Variants in COL4A1 observed in about 807,000 individuals in gnomAD.
COL4A1 encodes the protein collagen type IV alpha 1 chain.
COL4A1 carries 40 observed loss-of-function variants against 216.6 expected under a neutral mutation model. That is an observed-to-expected ratio of 0.18 (90% CI 0.14 to 0.24). COL4A1 has a LOEUF of 0.24. Ranked by LOEUF, COL4A1 falls within the 10% of genes least tolerant of loss-of-function variation. The pLI is 1.00. For synonymous variants in COL4A1, 839 were observed against 810.7 expected (o/e 1.03, Z -0.59); for missense variants, 1,628 against 2,196.8 (o/e 0.74, Z 5.18).
intron 31 of COL4A1, among the ~76,000 whole-genome samples, chr13:110,178,475 C>A (rs949604480): frequency 7.2e-5 from 11 of 152,192 alleles, no homozygotes; most frequent in African/African-American, 2.7e-4. Flanking sequence ...ACCCTAAGCA[C>A]CACCACTGCC....
intron 1 of COL4A1, among the ~76,000 whole-genome samples, chr13:110,269,671 G>A (rs1221251700): frequency 2.6e-5 from 4 of 152,052 alleles, no homozygotes; most frequent in African/African-American, 4.8e-5. Context: ...GATGGAAGAC[G>A]CAACACAAAC....
At chr13:110,217,512 T>C (rs1880148907) in intron 2 of COL4A1, among the ~76,000 whole-genome samples, 1 of 152,180 alleles carries the variant, frequency 6.6e-6, no homozygotes, top group African/African-American at 2.4e-5. Context: ...GCCACAGACT[T>C]CATGTCAGGC....
At chr13:110,270,536 T>C (rs930214142) in intron 1 of COL4A1, among the ~76,000 whole-genome samples, 12 of 152,160 alleles carry the variant, frequency 7.9e-5, no homozygotes, top group Non-Finnish European at 2.9e-5. Flanking sequence ...CAACAACCAT[T>C]GTAGGGTTAA....
intron 2 of COL4A1, among the ~76,000 whole-genome samples, chr13:110,219,238 G>A (rs903909767): frequency 5.9e-5 from 9 of 152,214 alleles, no homozygotes; most frequent in African/African-American, 2.2e-4. Flanking sequence ...CTAAGAGGAA[G>A]GCGTGAGTGC....
chr13:110,295,258 C>CTTTTT (rs67516756), intron 1 of COL4A1, among the ~76,000 whole-genome samples: 4 of 135,586 alleles, frequency 3.0e-5, no homozygotes, highest in South Asian at 2.3e-4. Context: ...TTCTTTCTTT[C>CTTTTT]TTTTTTTTTT....
intron 2 of COL4A1, among the ~76,000 whole-genome samples, chr13:110,226,956 G>T (rs1271976552): frequency 6.6e-6 from 1 of 152,154 alleles, no homozygotes; most frequent in Admixed American, 6.5e-5. Flanking sequence ...GGTCTTCCCT[G>T]AGCTGCTAAT....
At chr13:110,199,346 T>C (rs1879057486) in intron 20 of COL4A1, among the ~76,000 whole-genome samples, 1 of 152,100 alleles carries the variant, frequency 6.6e-6, no homozygotes, top group African/African-American at 2.4e-5. Flanking sequence ...CAGGAAGACT[T>C]GGCAGGAATG....
At chr13:110,239,976 A>G (rs866482590) in intron 2 of COL4A1, among the ~76,000 whole-genome samples, 4 of 152,296 alleles carry the variant, frequency 2.6e-5, no homozygotes, top group Middle Eastern at 3.4e-3. Context: ...CCCCTTCTCA[A>G]TGCTGTGTGA....
intron 1 of COL4A1, among the ~76,000 whole-genome samples, chr13:110,248,398 C>T (rs993612639): frequency 5.3e-5 from 8 of 152,048 alleles, no homozygotes; most frequent in African/African-American, 9.7e-5. Flanking sequence ...CCGGCTCCTT[C>T]CCCCAAATTC....
At chr13:110,270,779 T>C (rs917440647) in intron 1 of COL4A1, among the ~76,000 whole-genome samples, 2 of 152,196 alleles carry the variant, frequency 1.3e-5, no homozygotes, top group African/African-American at 2.4e-5. Context: ...CCGGAGAATA[T>C]AGCCTTAGTT....
rs1884769545 is a variant in COL4A1, at chr13:110,307,102, G to A, written c.-75C>T. 2 of 1,233,264 alleles carry A rather than the reference G, an allele frequency of 1.6e-6. No homozygotes were observed. Among genetic ancestry groups the A allele is most frequent in the African/African-American group, 1.6e-5 (1 of 62,866 alleles). The allele number at this position is 1,233,264 out of a possible 1,614,324, so 76.4% of individuals were successfully genotyped here. A position where few individuals can be genotyped will look rare whatever the true frequency, so the allele number is the denominator to read the frequency against. On this transcript the variant is annotated 5_prime_UTR_variant, in exon 1 of 52. Coordinates refer to ENST00000375820, the MANE Select transcript of COL4A1 (RefSeq NM_001845.6). This position sits in a 1 kb window ranked among gnomAD's most constrained non-coding sequence, Gnocchi z 5.0. Reference sequence around the variant, plus strand: ...GCGGCGGACAGCTAGCTCTCGGAAGGCCGGACTTCCAGCGCTACGCACCGT... The same window carrying A: ...GCGGCGGACAGCTAGCTCTCGGAAGACCGGACTTCCAGCGCTACGCACCGT...
intron 1 of COL4A1, among the ~76,000 whole-genome samples, chr13:110,279,302 G>T (rs1013817198): frequency 6.6e-6 from 1 of 152,128 alleles, no homozygotes; most frequent in South Asian, 2.1e-4. Context: ...GTTTTCTGGA[G>T]TCCAGTTCCA....
chr13:110,284,333 C>G (rs541313664), intron 1 of COL4A1, among the ~76,000 whole-genome samples: 136 of 152,288 alleles, frequency 8.9e-4, no homozygotes, highest in Non-Finnish European at 1.2e-3. Context: ...TAACATCTGA[C>G]TAATGTGACC....
At chr13:110,203,435 C>A in intron 18 of COL4A1, 131 bp downstream of exon 18, 1 of 984,508 alleles carries the variant, frequency 1.0e-6, no homozygotes, top group South Asian at 1.3e-5. Flanking sequence ...TGCATCTCCT[C>A]TCCTTCCTCT....
intron 51 of COL4A1, 99 bp from the exon 52 acceptor site, chr13:110,150,543 C>T (rs996944006): frequency 8.1e-7 from 1 of 1,227,088 alleles, no homozygotes; most frequent in African/African-American, 1.5e-5. Context: ...GGGATCAGCC[C>T]AGCCCCTGGC....
intron 2 of COL4A1, among the ~76,000 whole-genome samples, chr13:110,221,542 CA>C (rs986854898): frequency 6.6e-6 from 1 of 151,584 alleles, no homozygotes; most frequent in East Asian, 1.9e-4. Context: ...TACTGGCAGC[CA>C]AAAAAAATCT....
intron 24 of COL4A1, among the ~76,000 whole-genome samples, chr13:110,188,111 C>T (rs190789656): frequency 1.7e-4 from 26 of 152,338 alleles, no homozygotes; most frequent in Admixed American, 2.0e-4. Context: ...CTCCAGCATC[C>T]TGAGACTTGG....
intron 1 of COL4A1, among the ~76,000 whole-genome samples, chr13:110,286,475 G>A (rs988507037): frequency 1.8e-4 from 27 of 152,222 alleles, no homozygotes; most frequent in African/African-American, 6.5e-4. Context: ...GTGTGGGGGA[G>A]AGAGGCAGAA....
At chr13:110,251,660 C>A (rs1021102765) in intron 1 of COL4A1, among the ~76,000 whole-genome samples, 1 of 152,158 alleles carries the variant, frequency 6.6e-6, no homozygotes, top group South Asian at 2.1e-4. Flanking sequence ...AGCTGAGTTG[C>A]GAAAAGTCAG....
Sources: gnomAD v4.1 joint callset for allele counts (sites outside exome capture counted in the v4.1 genomes callset) on GRCh38, gnomAD v4.1.1 for gene constraint, Gnocchi (gnomAD v3.1) non-coding constraint, MANE v1.5 for transcripts, NCBI Gene and HGNC (gene_info 2026-07-23, HGNC 2026-07-21) for gene names.